Variants in MYO9A observed in about 807,000 individuals in gnomAD.
MYO9A encodes unconventional myosin-IXa.
A neutral mutation model predicts 293.3 loss-of-function variants in MYO9A; 103 were observed. The ratio of observed to expected loss-of-function variants is 0.35; its 90% CI spans 0.30 to 0.41. The LOEUF is 0.41. Among genes scored for constraint, MYO9A ranks in the 10% least tolerant of loss-of-function variants. The probability of loss-of-function intolerance (pLI) is 1.00; values close to 1 mark genes in which losing one functional copy is unlikely to be tolerated. For missense variants in MYO9A, 2,685 were observed against 3,033.0 expected, an observed-to-expected ratio of 0.89 and a Z score of 2.69; for synonymous variants, 1,001 against 1,035.7, an observed-to-expected ratio of 0.97 and a Z score of 0.64.
chr15:71,936,298 T>C (rs2058642176), intron 16 of MYO9A, among the ~76,000 whole-genome samples: 1 of 152,094 alleles, frequency 6.6e-6, no homozygotes, highest in Non-Finnish European at 1.5e-5. Flanking sequence ...AGAGCAGTGA[T>C]TACCAGAGAC....
intron 28 of MYO9A, 46 bp from the exon 29 acceptor site, chr15:71,880,604 T>C: frequency 1.3e-6 from 2 of 1,485,392 alleles, no homozygotes; most frequent in East Asian, 2.3e-5. Flanking sequence ...TTAGTAAATA[T>C]ATTGATAATC....
intron 1 of MYO9A, among the ~76,000 whole-genome samples, chr15:72,098,172 T>A (rs574228512): frequency 5.3e-5 from 8 of 151,824 alleles, no homozygotes; most frequent in Non-Finnish European, 1.0e-4. Flanking sequence ...TAACTCTGGA[T>A]CACCAGAATG....
chr15:71,945,240 C>T (rs776193300), intron 15 of MYO9A, among the ~76,000 whole-genome samples: 2 of 152,150 alleles, frequency 1.3e-5, no homozygotes, highest in Non-Finnish European at 2.9e-5. Context: ...AATGAAGGAT[C>T]CACTTCTAAG....
At chr15:72,072,891 C>A (rs1165464237) in intron 1 of MYO9A, among the ~76,000 whole-genome samples, 1 of 152,018 alleles carries the variant, frequency 6.6e-6, no homozygotes, top group African/African-American at 2.4e-5. Flanking sequence ...CACCCTGAAT[C>A]TAAAATTTAA....
intron 29 of MYO9A, 68 bp from the exon 30 acceptor site, chr15:71,879,905 C>A: frequency 2.8e-6 from 3 of 1,066,850 alleles, no homozygotes; most frequent in Non-Finnish European, 4.3e-6. Context: ...CAACAGTAGG[C>A]ATGTATTGTT....
intron 8 of MYO9A, among the ~76,000 whole-genome samples, chr15:72,001,251 G>A (rs2076856190): frequency 6.6e-6 from 1 of 151,964 alleles, no homozygotes; most frequent in South Asian, 2.1e-4. Flanking sequence ...AATTTATCAG[G>A]TAAAAAATAT....
chr15:72,100,445 T>G (rs573900501), intron 1 of MYO9A, among the ~76,000 whole-genome samples: 20 of 151,748 alleles, frequency 1.3e-4, no homozygotes, highest in Non-Finnish European at 2.4e-4. Flanking sequence ...GGGGAGCCCC[T>G]CTGCCTGGCT....
At chr15:71,983,345 A>C (rs914785944) in intron 11 of MYO9A, among the ~76,000 whole-genome samples, 1 of 151,940 alleles carries the variant, frequency 6.6e-6, no homozygotes, top group African/African-American at 2.4e-5. Flanking sequence ...ATATCTCTGT[A>C]ACTTAGCATT....
chr15:72,099,566 C>T (rs1247424231), intron 1 of MYO9A, among the ~76,000 whole-genome samples: 1 of 151,804 alleles, frequency 6.6e-6, no homozygotes, highest in Non-Finnish European at 1.5e-5. Context: ...CACATCACTG[C>T]ACTCCAGCCT....
At chr15:71,961,877 G>A (rs1000403022) in intron 13 of MYO9A, among the ~76,000 whole-genome samples, 11 of 151,932 alleles carry the variant, frequency 7.2e-5, no homozygotes, top group African/African-American at 2.4e-4. Context: ...GCATCACCAC[G>A]TCTGGCTAAT....
chr15:71,905,552 A>G (rs1462890606), intron 19 of MYO9A, among the ~76,000 whole-genome samples: 1 of 152,050 alleles, frequency 6.6e-6, no homozygotes, highest in Non-Finnish European at 1.5e-5. Flanking sequence ...TGGAGGGCCA[A>G]GGAGGGCAGG....
intron 32 of MYO9A, among the ~76,000 whole-genome samples, chr15:71,871,848 T>A (rs2056524634): frequency 6.6e-6 from 1 of 151,718 alleles, no homozygotes; most frequent in African/African-American, 2.4e-5. Flanking sequence ...ACAACATAAT[T>A]CCACTCAGAA....
chr15:71,996,669 G>A (rs914687661), intron 9 of MYO9A, among the ~76,000 whole-genome samples: 1 of 151,788 alleles, frequency 6.6e-6, no homozygotes, highest in Non-Finnish European at 1.5e-5. Context: ...TCATTACTAG[G>A]TCCTGCTGAT....
In MYO9A at chr15:71,935,373, G is replaced by C; in HGVS notation, c.2490C>G (p.Ser830Arg). 6.2e-7 allele frequency: 1 copy of C among 1,613,568 alleles called. No individual in the cohort carries two copies. Among genetic ancestry groups the C allele is most frequent in the East Asian group, 2.2e-5 (1 of 44,848 alleles). Residue 830 changes from serine (S) to arginine (R), a missense_variant, in exon 17 of 42, where the codon AGC becomes AGG. Ser to Arg is a moderately radical substitution (Grantham distance 110). Around this residue, in one of 10 missense-constraint regions of MYO9A, gnomAD observed 1,434 missense variants for 1,497.7 expected, o/e 0.96. Coordinates refer to ENST00000356056, the MANE Select transcript of MYO9A (RefSeq NM_006901.4). ...KDGIFANSTS[S>R]KLLERAHGIL... The stretch of plus-strand genomic sequence containing the variant: ...TTCCATGGGCTCTCTCCAGGAGTTT[G>C]CTGCTAGTTGAATTAGCAAATATTC...
intron 33 of MYO9A, among the ~76,000 whole-genome samples, chr15:71,861,855 C>A (rs1004511689): frequency 1.3e-5 from 2 of 152,076 alleles, no homozygotes; most frequent in Non-Finnish European, 2.9e-5. Context: ...GCTGGAGGGG[C>A]GGGCGCAGTG....
At chr15:72,101,689 G>C (rs1470043991) in intron 1 of MYO9A, among the ~76,000 whole-genome samples, 2 of 126,988 alleles carry the variant, frequency 1.6e-5, no homozygotes, top group East Asian at 2.5e-4. Flanking sequence ...GGAGGGAGGT[G>C]GGGGGGGTCA....
intron 1 of MYO9A, among the ~76,000 whole-genome samples, chr15:72,047,283 C>G (rs2078414660): frequency 1.3e-5 from 2 of 152,180 alleles, no homozygotes; most frequent in Admixed American, 1.3e-4. Flanking sequence ...CCCTGACTTG[C>G]TAGGCAAATT....
chr15:72,013,599 C>T (rs1042501489), intron 6 of MYO9A, among the ~76,000 whole-genome samples: 1 of 152,202 alleles, frequency 6.6e-6, no homozygotes, highest in African/African-American at 2.4e-5. Flanking sequence ...CACAAACATA[C>T]CCACCAAATG....
intron 1 of MYO9A, among the ~76,000 whole-genome samples, chr15:72,071,514 G>A (rs2079190199): frequency 1.3e-5 from 2 of 152,222 alleles, no homozygotes; most frequent in South Asian, 2.1e-4. Context: ...GCCAAGGCAG[G>A]TGGATCACTT....
Sources: gnomAD v4.1 joint callset for allele counts (sites outside exome capture counted in the v4.1 genomes callset) on GRCh38, gnomAD v4.1.1 for gene constraint, gnomAD v4.1.1 regional missense constraint, MANE v1.5 for transcripts, NCBI Gene and HGNC (gene_info 2026-07-23, HGNC 2026-07-21) for gene names.